The following FOXP2 variants were observed in gnomAD, a reference collection of about 807,000 sequenced individuals.
FOXP2 encodes the protein forkhead box protein P2.
In FOXP2, 12 loss-of-function variants were observed where a neutral mutation model predicts 115.8. The observed-to-expected ratio is 0.10, with a 90% CI of 0.07 to 0.17. The LOEUF (loss-of-function observed/expected upper bound fraction) is 0.17. Among genes scored for constraint, FOXP2 ranks in the 10% least tolerant of loss-of-function variants. The probability of loss-of-function intolerance (pLI) is 1.00; values close to 1 mark genes in which losing one functional copy is unlikely to be tolerated. For missense variants in FOXP2, 629 were observed against 843.5 expected (o/e 0.75, Z 3.15); for synonymous variants, 328 against 297.7 (o/e 1.10, Z -1.05).
At chr7:114,581,075 G>GCACACACACACACA (rs3028257) in intron 3 of FOXP2, among the ~76,000 whole-genome samples, 27 of 144,766 alleles carry the variant, frequency 1.9e-4, no homozygotes, top group African/African-American at 3.6e-4. Context: ...ATAAACACAT[G>GCACACACACACACA]CACACACACA....
chr7:114,408,072 T>C (rs1358402071), intron 2 of FOXP2, among the ~76,000 whole-genome samples: 2 of 152,158 alleles, frequency 1.3e-5, no homozygotes, highest in Non-Finnish European at 2.9e-5. Flanking sequence ...ATTTGTAAAA[T>C]TGAACAATGT....
chr7:114,629,035 C>A (rs964043610), intron 4 of FOXP2: 3 of 250,348 alleles, frequency 1.2e-5, no homozygotes, highest in African/African-American at 2.3e-5. Context: ...AACACCTTAG[C>A]ATTCCTTTTA....
intron 2 of FOXP2, among the ~76,000 whole-genome samples, chr7:114,372,969 A>G (rs1466679204): frequency 1.3e-5 from 2 of 152,018 alleles, no homozygotes; most frequent in Admixed American, 6.6e-5. Context: ...TTGTGTAATC[A>G]TACTGGCACG....
At chr7:114,221,229 T>A (rs1454983652) in intron 1 of FOXP2, among the ~76,000 whole-genome samples, 1 of 152,202 alleles carries the variant, frequency 6.6e-6, no homozygotes, top group Non-Finnish European at 1.5e-5. Flanking sequence ...AGAATTTAAT[T>A]CTGAATTATA....
intron 2 of FOXP2, among the ~76,000 whole-genome samples, chr7:114,398,371 T>G (rs1055236497): frequency 2.6e-5 from 4 of 152,082 alleles, no homozygotes; most frequent in African/African-American, 9.7e-5. Flanking sequence ...TGGGATCAGA[T>G]TATATAAAAA....
At chr7:114,543,267 T>C (rs567762163) in intron 3 of FOXP2, among the ~76,000 whole-genome samples, 1 of 152,302 alleles carries the variant, frequency 6.6e-6, no homozygotes, top group South Asian at 2.1e-4. Flanking sequence ...TTGTATTCTC[T>C]GTTTAGATGA....
intron 1 of FOXP2, among the ~76,000 whole-genome samples, chr7:114,136,006 C>T (rs182051880): frequency 4.3e-4 from 65 of 151,936 alleles, no homozygotes; most frequent in Non-Finnish European, 5.2e-4. Flanking sequence ...GCTTTTTCTT[C>T]TTCAGTATAA....
At chr7:114,088,491 G>A (rs560604782) in intron 1 of FOXP2, among the ~76,000 whole-genome samples, 138 of 152,346 alleles carry the variant, frequency 9.1e-4, no homozygotes, top group African/African-American at 3.1e-3. Context: ...TTTTCCAACT[G>A]GAAGTACTGG....
At chr7:114,130,909 A>G (rs962067184) in intron 1 of FOXP2, among the ~76,000 whole-genome samples, 3 of 152,350 alleles carry the variant, frequency 2.0e-5, no homozygotes, top group Admixed American at 2.0e-4. Flanking sequence ...TTTTATCATA[A>G]TGCTCACTGA....
intron 3 of FOXP2, among the ~76,000 whole-genome samples, chr7:114,558,259 A>T (rs1443082293): frequency 6.6e-6 from 1 of 152,182 alleles, no homozygotes; most frequent in Non-Finnish European, 1.5e-5. Flanking sequence ...GCCATCAAGA[A>T]ATTACCATTA....
At chr7:114,088,397 G>A (rs1423955939) in intron 1 of FOXP2, 9 of 152,272 alleles carry the variant, frequency 5.9e-5, no homozygotes, top group African/African-American at 1.4e-4. Context: ...CATGTCCAGA[G>A]TCTACTTGGA....
At chr7:114,649,777 ATG>A (rs1806132570) in intron 8 of FOXP2, among the ~76,000 whole-genome samples, 1 of 152,058 alleles carries the variant, frequency 6.6e-6, no homozygotes, top group South Asian at 2.1e-4. Flanking sequence ...AGAGGTATGT[ATG>A]TGTTTTTCAA....
At chr7:114,211,604 C>T (rs751411494) in intron 1 of FOXP2, among the ~76,000 whole-genome samples, 6 of 152,192 alleles carry the variant, frequency 3.9e-5, no homozygotes, top group Non-Finnish European at 8.8e-5. Context: ...CTGTGGACTG[C>T]AGCTGCTTCT....
intron 1 of FOXP2, among the ~76,000 whole-genome samples, chr7:114,232,911 A>G (rs998617196): frequency 6.6e-6 from 1 of 152,220 alleles, no homozygotes; most frequent in Non-Finnish European, 1.5e-5. Context: ...AAATAAATAA[A>G]TCGGAGAAGG....
At chr7:114,683,768 G>A (rs1329090255) in intron 16 of FOXP2, among the ~76,000 whole-genome samples, 1 of 152,132 alleles carries the variant, frequency 6.6e-6, no homozygotes, top group African/African-American at 2.4e-5. Flanking sequence ...TCTTGGAGTA[G>A]GAACTGAAAA....
At chr7:114,131,346 T>C (rs1455125834) in intron 1 of FOXP2, among the ~76,000 whole-genome samples, 2 of 152,178 alleles carry the variant, frequency 1.3e-5, no homozygotes, top group East Asian at 3.8e-4. Flanking sequence ...GGGACCTTGA[T>C]TTTTGTTGAC....
intron 1 of FOXP2, among the ~76,000 whole-genome samples, chr7:114,168,419 T>C (rs918350919): frequency 2.0e-5 from 3 of 152,126 alleles, no homozygotes; most frequent in South Asian, 2.1e-4. Context: ...AGGTGACTTT[T>C]GTTATGTTTT....
At chr7:114,336,255 C>A (rs1003775680) in intron 2 of FOXP2, among the ~76,000 whole-genome samples, 1 of 151,276 alleles carries the variant, frequency 6.6e-6, no homozygotes, top group Non-Finnish European at 1.5e-5. Context: ...GGAAAACATA[C>A]ATGTGAAGTG....
At chr7:114,628,732 A>G in intron 4 of FOXP2, 55 bp downstream of exon 4, 1 of 1,608,050 alleles carries the variant, frequency 6.2e-7, no homozygotes, top group Non-Finnish European at 8.5e-7. Flanking sequence ...GTGTGCACTT[A>G]TTTTGAAAGT....
Sources: gnomAD v4.1 joint callset for allele counts (sites outside exome capture counted in the v4.1 genomes callset) on GRCh38, gnomAD v4.1.1 for gene constraint, MANE v1.5 for transcripts, NCBI Gene and HGNC (gene_info 2026-07-23, HGNC 2026-07-21) for gene names.